The following GPHN variants were observed in gnomAD, a reference collection of about 807,000 sequenced individuals.
GPHN encodes gephyrin.
In GPHN, 17 loss-of-function variants were observed where a neutral mutation model predicts 95.5. The observed-to-expected ratio is 0.18, with a 90% CI of 0.12 to 0.27. The LOEUF is 0.27. Among genes scored for constraint, GPHN ranks in the 10% least tolerant of loss-of-function variants. The pLI, the probability that GPHN is intolerant of heterozygous loss-of-function variation, is 1.00. For synonymous variants in GPHN, 320 were observed against 322.5 expected (o/e 0.99, Z 0.08); for missense variants, 660 against 978.1 (o/e 0.67, Z 4.34).
At chr14:66,637,865 C>G (rs2064183401) in intron 1 of GPHN, among the ~76,000 whole-genome samples, 1 of 152,046 alleles carries the variant, frequency 6.6e-6, no homozygotes. Flanking sequence ...AGTACAACAC[C>G]AAGGTCCATT....
chr14:67,247,353 A>G, the GPHN span, among the ~76,000 whole-genome samples: 1 of 152,176 alleles, frequency 6.6e-6, no homozygotes, highest in African/African-American at 2.4e-5. Flanking sequence ...ATTTTTGTAT[A>G]TTGACTTTGT....
At chr14:67,279,771 T>G in the GPHN span, 1 of 403,034 alleles carries the variant, frequency 2.5e-6, no homozygotes, top group Non-Finnish European at 4.3e-6. Context: ...TTTTTAGATA[T>G]TAAAGAGTTC....
chr14:67,425,544 C>CA, the GPHN span, among the ~76,000 whole-genome samples: 1 of 151,966 alleles, frequency 6.6e-6, no homozygotes, highest in African/African-American at 2.4e-5. Flanking sequence ...AAAACCAAAC[C>CA]AAAAAACAAA....
At chr14:66,814,376 G>A (rs993996701) in intron 3 of GPHN, among the ~76,000 whole-genome samples, 3 of 152,108 alleles carry the variant, frequency 2.0e-5, no homozygotes, top group Non-Finnish European at 4.4e-5. Flanking sequence ...CCACCACTAT[G>A]GTGAACACCT....
rs113680051 is a variant in GPHN, at chr14:67,016,933, C to A, written c.964-6700C>A. 3.6e-3 allele frequency among the ~76,000 whole-genome samples: 551 copies of A among 152,154 alleles called. 11 individuals carry two copies. The highest frequency in any genetic ancestry group is 0.012 in the African/African-American group (514 of 41,554). On this transcript the variant is annotated intron_variant, in intron 9 of 22. Coordinates refer to ENST00000478722, the MANE Select transcript of GPHN (RefSeq NM_020806.5). ...TCAATTTCTATTTTATTTTTACTTA[C>A]AATAGTTTTCACTTTCACATACATT...
chr14:67,622,563 GTCT>G, the GPHN span, among the ~76,000 whole-genome samples: 15 of 152,296 alleles, frequency 9.8e-5, no homozygotes, highest in Non-Finnish European at 1.6e-4. Flanking sequence ...CTAAGATTTA[GTCT>G]TCTTTTAATG....
At chr14:67,280,937 C>G in the GPHN span, among the ~76,000 whole-genome samples, 1 of 147,376 alleles carries the variant, frequency 6.8e-6, no homozygotes, top group African/African-American at 2.5e-5. Flanking sequence ...TGCTCTGTTG[C>G]CCAGGCTGGA....
chr14:67,574,423 G>A, the GPHN span: 12,638 of 1,497,074 alleles, frequency 8.4e-3, 88 homozygotes, highest in Non-Finnish European at 9.2e-3. This position sits in a 1 kb window ranked among gnomAD's most constrained non-coding sequence, Gnocchi z 4.2. Context: ...GGGGCTGATA[G>A]GGCAGGAACA....
chr14:67,134,946 C>CT (rs1191759117), intron 17 of GPHN, among the ~76,000 whole-genome samples: 2 of 59,158 alleles, frequency 3.4e-5, no homozygotes, highest in Non-Finnish European at 7.2e-5. Flanking sequence ...CTCTTTCTTT[C>CT]TTTCTTCTTT....
chr14:66,962,245 T>G (rs1435195913), intron 8 of GPHN, among the ~76,000 whole-genome samples: 1 of 151,480 alleles, frequency 6.6e-6, no homozygotes, highest in Non-Finnish European at 1.5e-5. Context: ...TTCTATGTTC[T>G]TCATCTTTAG....
chr14:67,268,922 G>C, the GPHN span, among the ~76,000 whole-genome samples: 169 of 152,148 alleles, frequency 1.1e-3, 1 homozygote, highest in Non-Finnish European at 1.3e-3. Flanking sequence ...CCTTTCAAGT[G>C]TGCAAATTCA....
the GPHN span, among the ~76,000 whole-genome samples, chr14:67,702,887 C>T: frequency 6.6e-6 from 1 of 152,330 alleles, no homozygotes; most frequent in Admixed American, 6.5e-5. Flanking sequence ...GACCATGGCT[C>T]ACTGCAGCCT....
rs149341639 is a variant in GPHN at position 66,984,747 on chromosome 14, T to G, written c.963+19422T>G. Among the ~76,000 whole-genome samples, 167 of 152,278 alleles carry G rather than the reference T, an allele frequency of 1.1e-3. 1 individual carries two copies. The highest frequency in any genetic ancestry group is 3.9e-3 in the African/African-American group (161 of 41,582). ...CTAATATAAGCAGGAACATCACAGCTAACTTGACCTATGCTGGTCTGAATT... is the reference window on the plus strand; with the variant it reads ...CTAATATAAGCAGGAACATCACAGCGAACTTGACCTATGCTGGTCTGAATT... On this transcript the variant is annotated intron_variant, in intron 9 of 22. Transcript: ENST00000478722.
chr14:67,150,172 G>A (rs2081167320), intron 18 of GPHN, among the ~76,000 whole-genome samples: 1 of 151,990 alleles, frequency 6.6e-6, no homozygotes, highest in Non-Finnish European at 1.5e-5. Flanking sequence ...GCCGGGCGCG[G>A]TGGCTCACGC....
chr14:67,317,438 A>G, the GPHN span: 1 of 1,612,564 alleles, frequency 6.2e-7, no homozygotes, highest in Non-Finnish European at 8.5e-7. Context: ...AAGAATAAAA[A>G]GAAGAGGAAA....
downstream of GPHN, among the ~76,000 whole-genome samples, chr14:67,184,697 A>G (rs1285238419): frequency 6.6e-6 from 1 of 152,188 alleles, no homozygotes; most frequent in Non-Finnish European, 1.5e-5. Context: ...TAAGATAGAC[A>G]TGTCCCATTG....
chr14:66,662,701 C>T (rs2065732369), intron 1 of GPHN, among the ~76,000 whole-genome samples: 1 of 152,196 alleles, frequency 6.6e-6, no homozygotes, highest in African/African-American at 2.4e-5. Flanking sequence ...CACCTTCTAA[C>T]TCAATGCAGG....
chr14:67,174,587 T>C (rs1460076658), intron 21 of GPHN, among the ~76,000 whole-genome samples: 1 of 152,230 alleles, frequency 6.6e-6, no homozygotes, highest in African/African-American at 2.4e-5. Flanking sequence ...ATCCTTTGGG[T>C]ATATACCCAG....
the GPHN span, among the ~76,000 whole-genome samples, chr14:67,325,979 C>CTTT: frequency 0.044 from 4,863 of 110,124 alleles, 333 homozygotes; most frequent in African/African-American, 0.14. Flanking sequence ...CGGCTCTTTT[C>CTTT]TTTTTTTTTT....
Sources: allele counts gnomAD v4.1 joint callset (sites outside exome capture counted in the v4.1 genomes callset), GRCh38; gene constraint gnomAD v4.1.1; non-coding constraint Gnocchi (gnomAD v3.1); transcripts MANE v1.5; gene names NCBI Gene and HGNC (gene_info 2026-07-23, HGNC 2026-07-21).